Variants in RAPGEF2 observed in about 807,000 individuals in gnomAD.
RAPGEF2 encodes PDZ domain containing guanine nucleotide exchange factor (GEF) 1.
RAPGEF2 carries 54 observed loss-of-function variants against 186.7 expected under a neutral mutation model. That is an observed-to-expected ratio of 0.29 (90% CI 0.23 to 0.36). The LOEUF (loss-of-function observed/expected upper bound fraction) is 0.36. Ranked by LOEUF, RAPGEF2 falls within the 10% of genes least tolerant of loss-of-function variation. The pLI, the probability that RAPGEF2 is intolerant of heterozygous loss-of-function variation, is 1.00. For missense variants in RAPGEF2, 1,532 were observed against 2,045.0 expected, an observed-to-expected ratio of 0.75 and a Z score of 4.84; for synonymous variants, 712 against 705.9, an observed-to-expected ratio of 1.01 and a Z score of -0.14.
intron 2 of RAPGEF2, among the ~76,000 whole-genome samples, chr4:159,191,229 G>A (rs1748087771): frequency 6.6e-6 from 1 of 152,104 alleles, no homozygotes; most frequent in Non-Finnish European, 1.5e-5. Context: ...AGTAAGTTAA[G>A]CTGGAAAAGC....
At chr4:159,281,831 A>G (rs1269182413) in intron 7 of RAPGEF2, among the ~76,000 whole-genome samples, 7 of 152,116 alleles carry the variant, frequency 4.6e-5, no homozygotes, top group Non-Finnish European at 8.8e-5. Flanking sequence ...TCCTCATTCT[A>G]TAGATGAAAA....
At chr4:159,284,557 C>G (rs1412236149) in intron 7 of RAPGEF2, among the ~76,000 whole-genome samples, 1 of 150,424 alleles carries the variant, frequency 6.6e-6, no homozygotes, top group South Asian at 2.1e-4. Context: ...GAAACAGTGC[C>G]CTGGTGGGGG....
intron 1 of RAPGEF2, among the ~76,000 whole-genome samples, chr4:159,148,531 C>A (rs1397153675): frequency 2.0e-5 from 3 of 151,898 alleles, no homozygotes; most frequent in Non-Finnish European, 2.9e-5. Flanking sequence ...TCCGTTTTGC[C>A]TTTAAATCCT....
chr4:159,129,567 T>G (rs1740775883), intron 1 of RAPGEF2, among the ~76,000 whole-genome samples: 1 of 152,174 alleles, frequency 6.6e-6, no homozygotes, highest in Non-Finnish European at 1.5e-5. Flanking sequence ...AATTTACCAA[T>G]GAAGAAACTG....
At chr4:159,356,873 C>T (rs900550797) in intron 29 of RAPGEF2, among the ~76,000 whole-genome samples, 4 of 151,936 alleles carry the variant, frequency 2.6e-5, no homozygotes, top group Non-Finnish European at 4.4e-5. Flanking sequence ...TGCACTCCAG[C>T]CTGGGTGACA....
At position 159,343,014 on chromosome 4, in the gene RAPGEF2, C is replaced by T. The variant is rs755809310; in HGVS notation, c.2954C>T (p.Thr985Met). ...CTGGCACCAGTGGCAAGACTGCGAA[C>T]GACCTGGGAGAAACTTCCCAATAAA... Reference protein sequence around the residue: ...LNLAPVARLRTTWEKLPNKYE... With the variant: ...LNLAPVARLRMTWEKLPNKYE... Residue 985 changes from threonine to methionine, a missense_variant, in exon 21 of 30, where the codon ACG becomes ATG. Thr to Met is a moderately conservative substitution (Grantham distance 81). Coordinates refer to ENST00000691494, the MANE Select transcript of RAPGEF2 (RefSeq NM_001394067.2). 9.9e-6 allele frequency: 16 copies of T among 1,613,892 alleles called. No homozygotes were observed. The highest frequency in any genetic ancestry group is 4.4e-5 in the South Asian group (4 of 91,062).
chr4:159,207,967 G>A (rs2111363301), intron 3 of RAPGEF2, among the ~76,000 whole-genome samples: 1 of 152,264 alleles, frequency 6.6e-6, no homozygotes, highest in African/African-American at 2.4e-5. Flanking sequence ...TAAAAACTGA[G>A]GAGACAAAAA....
chr4:159,347,108 C>T (rs1193760992), intron 25 of RAPGEF2, 110 bp downstream of exon 25: 1 of 1,045,496 alleles, frequency 9.6e-7, no homozygotes, highest in African/African-American at 1.6e-5. Context: ...TTGAGTTTCT[C>T]TGTAATTATT....
chr4:159,260,162 T>G (rs965559371), intron 7 of RAPGEF2, among the ~76,000 whole-genome samples: 1 of 152,038 alleles, frequency 6.6e-6, no homozygotes, highest in Admixed American at 6.6e-5. Context: ...TAATTTTTTA[T>G]AGAGACGAGG....
intron 7 of RAPGEF2, among the ~76,000 whole-genome samples, chr4:159,266,049 T>C (rs1289361650): frequency 6.6e-6 from 1 of 152,148 alleles, no homozygotes; most frequent in Non-Finnish European, 1.5e-5. Flanking sequence ...ATACCTGGTC[T>C]GGAGAATGAT....
intron 9 of RAPGEF2, among the ~76,000 whole-genome samples, chr4:159,321,853 AT>A (rs1230327285): frequency 1.3e-5 from 2 of 151,702 alleles, no homozygotes; most frequent in Non-Finnish European, 2.9e-5. Context: ...CATGTCGTTA[AT>A]TTTTTAATTG....
At chr4:159,258,112 T>G (rs1756397820) in intron 7 of RAPGEF2, among the ~76,000 whole-genome samples, 1 of 152,358 alleles carries the variant, frequency 6.6e-6, no homozygotes, top group South Asian at 2.1e-4. Flanking sequence ...TATTTACAAT[T>G]AAATATTCTA....
At chr4:159,115,197 T>G (rs1303349937) in intron 1 of RAPGEF2, among the ~76,000 whole-genome samples, 2 of 152,172 alleles carry the variant, frequency 1.3e-5, no homozygotes, top group Non-Finnish European at 2.9e-5. Context: ...TTATGTATTT[T>G]TTTCATAACT....
intron 4 of RAPGEF2, among the ~76,000 whole-genome samples, chr4:159,218,854 A>G (rs115514077): frequency 2.0e-5 from 3 of 152,306 alleles, no homozygotes; most frequent in Admixed American, 2.0e-4. Flanking sequence ...AGTAAGGGCT[A>G]CTAAGTGTGT....
At chr4:159,351,775 C>A (rs1193291151) in intron 26 of RAPGEF2, among the ~76,000 whole-genome samples, 2 of 151,554 alleles carry the variant, frequency 1.3e-5, no homozygotes, top group Non-Finnish European at 2.9e-5. Flanking sequence ...AAACCCCTGT[C>A]TCTAGTAAAA....
intron 23 of RAPGEF2, among the ~76,000 whole-genome samples, chr4:159,344,326 T>C (rs993338659): frequency 3.3e-5 from 5 of 152,090 alleles, no homozygotes; most frequent in Non-Finnish European, 7.4e-5. Flanking sequence ...CTTAGAAAAA[T>C]TTTATTTTCA....
intron 4 of RAPGEF2, among the ~76,000 whole-genome samples, chr4:159,235,135 CT>C (rs2111452216): frequency 6.6e-6 from 1 of 152,282 alleles, no homozygotes; most frequent in African/African-American, 2.4e-5. Flanking sequence ...TTGTGAGAAA[CT>C]TTTCAGTTCT....
intron 3 of RAPGEF2, among the ~76,000 whole-genome samples, chr4:159,198,113 C>T (rs2095410663): frequency 1.3e-5 from 2 of 152,160 alleles, no homozygotes; most frequent in Non-Finnish European, 2.9e-5. Flanking sequence ...TTTTACTTTA[C>T]ATCACAGTAA....
At chr4:159,230,699 T>C (rs1244564686) in intron 4 of RAPGEF2, among the ~76,000 whole-genome samples, 1 of 152,134 alleles carries the variant, frequency 6.6e-6, no homozygotes, top group Admixed American at 6.5e-5. Flanking sequence ...TGAATTGCCT[T>C]CTGAATTAGA....
Sources: gnomAD v4.1 joint callset for allele counts (sites outside exome capture counted in the v4.1 genomes callset) on GRCh38, gnomAD v4.1.1 for gene constraint, MANE v1.5 for transcripts, NCBI Gene and HGNC (gene_info 2026-07-23, HGNC 2026-07-21) for gene names.